The following KCNQ3 variants were observed in gnomAD, a reference collection of about 807,000 sequenced individuals.
The protein encoded by KCNQ3 is potassium voltage-gated channel subfamily KQT member 3.
KCNQ3 carries 30 observed loss-of-function variants against 92.5 expected under a neutral mutation model. The observed-to-expected ratio is 0.32, with a 90% CI of 0.24 to 0.44. The LOEUF is 0.44. Ranked by LOEUF, KCNQ3 falls within the 20% of genes least tolerant of loss-of-function variation. KCNQ3 has a pLI of 1.00. For synonymous variants in KCNQ3, 450 were observed against 468.8 expected (o/e 0.96, Z 0.52); for missense variants, 913 against 1,140.3 (o/e 0.80, Z 2.87).
intron 1 of KCNQ3, among the ~76,000 whole-genome samples, chr8:132,349,700 T>C (rs936557104): frequency 2.0e-5 from 3 of 152,158 alleles, no homozygotes; most frequent in African/African-American, 7.2e-5. Flanking sequence ...GACCTGCAGG[T>C]AGAAGAAAAG....
intron 1 of KCNQ3, among the ~76,000 whole-genome samples, chr8:132,316,607 G>A (rs1372290143): frequency 6.6e-6 from 1 of 152,200 alleles, no homozygotes; most frequent in East Asian, 1.9e-4. Flanking sequence ...ATATGCATGG[G>A]ATCATTGAGC....
intron 1 of KCNQ3, among the ~76,000 whole-genome samples, chr8:132,402,682 T>C (rs1481470469): frequency 6.6e-6 from 1 of 152,104 alleles, no homozygotes; most frequent in African/African-American, 2.4e-5. Flanking sequence ...AATTGTACAA[T>C]GCAAAGACAG....
In KCNQ3 at chr8:132,129,888, A is replaced by G. The variant is rs1251860501; in HGVS notation, c.1993T>C (p.Ser665Pro). Residue 665 changes from serine to proline, a missense_variant, in exon 15 of 15, where the codon TCG (serine) becomes CCG (proline). Ser to Pro is a moderately conservative substitution (Grantham distance 74, BLOSUM62 -1). Transcript: ENST00000388996. The surrounding 1 kb of genome is among the most constrained non-coding windows in gnomAD (Gnocchi z 5.9). ...TEYYPTKGTSSPAEAEKKEDN... is the reference protein window; with the variant it reads ...TEYYPTKGTSPPAEAEKKEDN... The stretch of plus-strand genomic sequence containing the variant: ...TCCTTCTTCTCTGCTTCAGCTGGCG[A>G]GGAGGTGCCCTTGGTTGGGTAATAC... The G allele has an allele frequency of 6.2e-7, 1 of 1,614,076 alleles. No homozygotes were observed.
intron 1 of KCNQ3, among the ~76,000 whole-genome samples, chr8:132,307,716 A>G (rs938188637): frequency 6.6e-6 from 1 of 152,176 alleles, no homozygotes; most frequent in Non-Finnish European, 1.5e-5. Context: ...CTATTCCCCA[A>G]CAAGCTTAGC....
chr8:132,189,675 A>C (rs1054166554), intron 1 of KCNQ3, among the ~76,000 whole-genome samples: 1 of 151,856 alleles, frequency 6.6e-6, no homozygotes, highest in Non-Finnish European at 1.5e-5. Flanking sequence ...AAAAATACAA[A>C]ATTAGCCAGG....
At position 132,296,636 on chromosome 8, in the gene KCNQ3, G is replaced by A. The variant is rs555780462; in HGVS notation, c.387-110455C>T. ...TTCCCACCTATGAGTGAGAATATGC[G>A]GTGTTTGGTTTTTTGTCCTTGTGAT... On this transcript the variant is annotated intron_variant, in intron 1 of 14. Coordinates refer to ENST00000388996, the MANE Select transcript of KCNQ3 (RefSeq NM_004519.4). 3.1e-3 allele frequency among the ~76,000 whole-genome samples: 470 copies of A among 151,894 alleles called. 1 individual carries two copies. Among genetic ancestry groups the A allele is most frequent in the African/African-American group, 0.01 (422 of 41,386 alleles).
intron 1 of KCNQ3, chr8:132,447,137 G>A (rs1821704466): frequency 7.2e-7 from 1 of 1,383,180 alleles, no homozygotes; most frequent in Admixed American, 2.0e-5. Context: ...CTCCCCCTGG[G>A]ACTCTGAGTC....
At chr8:132,339,868 G>C (rs1330905680) in intron 1 of KCNQ3, among the ~76,000 whole-genome samples, 1 of 151,366 alleles carries the variant, frequency 6.6e-6, no homozygotes, top group Non-Finnish European at 1.5e-5. Flanking sequence ...TTTATTGGAA[G>C]ATTTATAAAC....
At position 132,123,742 on chromosome 8, in the gene KCNQ3, T is replaced by C. The variant is rs1239131067; in HGVS notation, c.*5520A>G. On this transcript the variant is annotated 3_prime_UTR_variant, in exon 15 of 15. Transcript: ENST00000388996. ...CTTGATCTAAAAAGACAGGTGGTTG[T>C]TCTGGGTGATCAAAATCTCTTCTTG... The C allele has an allele frequency of 1.3e-5, 2 of 152,212 alleles. No homozygotes were observed. The highest frequency in any genetic ancestry group is 1.9e-4 in the East Asian group (1 of 5,196). 9.4% of individuals were successfully genotyped at this position (152,212 alleles called of 1,614,324 possible). A position where few individuals can be genotyped will look rare whatever the true frequency, so the allele number is the denominator to read the frequency against.
At chr8:132,219,679 TA>T in intron 1 of KCNQ3, among the ~76,000 whole-genome samples, 1 of 152,270 alleles carries the variant, frequency 6.6e-6, no homozygotes, top group Middle Eastern at 3.4e-3. Flanking sequence ...AATATAAATG[TA>T]ATGATGTCAC....
chr8:132,264,439 C>T (rs1180291191), intron 1 of KCNQ3, among the ~76,000 whole-genome samples: 3 of 152,194 alleles, frequency 2.0e-5, no homozygotes, highest in Non-Finnish European at 4.4e-5. Flanking sequence ...ATACCTGGAG[C>T]TCACTAAGGC....
intron 1 of KCNQ3, among the ~76,000 whole-genome samples, chr8:132,248,338 A>G (rs890880990): frequency 2.1e-5 from 3 of 145,268 alleles, no homozygotes; most frequent in Non-Finnish European, 1.5e-5. Context: ...CTATAAGTAT[A>G]TATATATATA....
At chr8:132,149,402 C>A (rs1277698409) in intron 9 of KCNQ3, among the ~76,000 whole-genome samples, 1 of 152,168 alleles carries the variant, frequency 6.6e-6, no homozygotes, top group Non-Finnish European at 1.5e-5. Flanking sequence ...TCCTTTTGCC[C>A]ACTAAGTTCC....
At chr8:132,447,375 G>T in intron 1 of KCNQ3, 2 of 812,356 alleles carry the variant, frequency 2.5e-6, no homozygotes, top group South Asian at 1.5e-5. Context: ...CTAGGACACA[G>T]ATGTGGAGAA....
At chr8:132,297,611 T>C (rs1057101958) in intron 1 of KCNQ3, among the ~76,000 whole-genome samples, 2 of 119,116 alleles carry the variant, frequency 1.7e-5, no homozygotes, top group African/African-American at 5.7e-5. Flanking sequence ...TATATATAAA[T>C]ATGAATGAAT....
At chr8:132,235,929 A>G (rs1814798841) in intron 1 of KCNQ3, among the ~76,000 whole-genome samples, 1 of 152,260 alleles carries the variant, frequency 6.6e-6, no homozygotes, top group African/African-American at 2.4e-5. Context: ...ATCATCTGAC[A>G]CATGACTTGG....
chr8:132,183,208 G>A (rs776241384), intron 3 of KCNQ3, among the ~76,000 whole-genome samples: 38 of 152,192 alleles, frequency 2.5e-4, no homozygotes, highest in East Asian at 5.8e-4. Context: ...CTGAGAATGC[G>A]TGATGTAAGG....
chr8:132,297,934 G>T (rs1817095969), intron 1 of KCNQ3, among the ~76,000 whole-genome samples: 2 of 152,202 alleles, frequency 1.3e-5, no homozygotes, highest in Admixed American at 6.5e-5. Context: ...CATTATCTTG[G>T]CATGTGTCAG....
chr8:132,170,122 C>T (rs1048822005), intron 8 of KCNQ3, among the ~76,000 whole-genome samples: 1 of 152,140 alleles, frequency 6.6e-6, no homozygotes, highest in Non-Finnish European at 1.5e-5. Flanking sequence ...ATCCACCCGC[C>T]TCGGCCTCCC....
Sources: allele counts gnomAD v4.1 joint callset (sites outside exome capture counted in the v4.1 genomes callset), GRCh38; gene constraint gnomAD v4.1.1; non-coding constraint Gnocchi (gnomAD v3.1); transcripts MANE v1.5; gene names NCBI Gene and HGNC (gene_info 2026-07-23, HGNC 2026-07-21).